The following LINGO2 variants were observed in gnomAD, a reference collection of about 807,000 sequenced individuals.
LINGO2 encodes leucine-rich repeat and immunoglobulin-like domain-containing nogo receptor-interacting protein 2.
A neutral mutation model predicts 30.6 loss-of-function variants in LINGO2; 14 were observed. That is an observed-to-expected ratio of 0.46 (90% CI 0.30 to 0.72). LINGO2 has a LOEUF of 0.72. Among genes scored for constraint, LINGO2 ranks in the 30% least tolerant of loss-of-function variants. The pLI is 0.07. For synonymous variants in LINGO2, 317 were observed against 288.5 expected, an observed-to-expected ratio of 1.10 and a Z score of -1.00; for missense variants, 729 against 751.7, an observed-to-expected ratio of 0.97 and a Z score of 0.35.
At chr9:28,668,064 A>AT (rs914524475) in intron 1 of LINGO2, among the ~76,000 whole-genome samples, 46 of 151,730 alleles carry the variant, frequency 3.0e-4, no homozygotes, top group South Asian at 6.2e-4. Context: ...AATATCATGG[A>AT]TTTTTTTTTA....
the LINGO2 span, among the ~76,000 whole-genome samples, chr9:28,800,696 G>A: frequency 6.6e-6 from 1 of 152,008 alleles, no homozygotes; most frequent in African/African-American, 2.4e-5. Flanking sequence ...GCAGACTGTA[G>A]CTCATCTCTT....
At chr9:28,468,707 A>C (rs952148727) in intron 2 of LINGO2, among the ~76,000 whole-genome samples, 3 of 152,202 alleles carry the variant, frequency 2.0e-5, no homozygotes, top group African/African-American at 2.4e-5. Context: ...ACAGTTCTAC[A>C]GTATTTATAA....
At chr9:28,806,553 T>C in the LINGO2 span, among the ~76,000 whole-genome samples, 2 of 152,182 alleles carry the variant, frequency 1.3e-5, no homozygotes, top group African/African-American at 2.4e-5. Flanking sequence ...TATAATAGAA[T>C]GAATGCTAAC....
chr9:28,807,609 G>C, the LINGO2 span, among the ~76,000 whole-genome samples: 1 of 152,138 alleles, frequency 6.6e-6, no homozygotes, highest in Admixed American at 6.5e-5. Context: ...TAAAATAGAA[G>C]TTTTAAGTAA....
the LINGO2 span, among the ~76,000 whole-genome samples, chr9:28,814,519 G>C: frequency 3.9e-5 from 6 of 152,104 alleles, no homozygotes; most frequent in Admixed American, 3.9e-4. Context: ...TACTGTCATA[G>C]CCCTTGGCAA....
At chr9:28,445,770 A>T (rs1351926953) in intron 2 of LINGO2, among the ~76,000 whole-genome samples, 2 of 152,154 alleles carry the variant, frequency 1.3e-5, no homozygotes, top group Non-Finnish European at 2.9e-5. Flanking sequence ...CTGCCTGGTG[A>T]CAATGTTACT....
At position 28,329,023 on chromosome 9, in the gene LINGO2, C is replaced by A. The variant is rs1376222983; in HGVS notation, c.-245-33657G>T. ...CCTTCACAGAGACTTCTCAGGTTCT[C>A]ACCCCATCCGTATACGAGCTAGGCC... On this transcript the variant is annotated intron_variant, in intron 3 of 5. Coordinates refer to ENST00000379992, the Ensembl canonical transcript of LINGO2. This position sits in a 1 kb window ranked among gnomAD's most constrained non-coding sequence, Gnocchi z 4.5. Among the ~76,000 whole-genome samples, 3 of 152,096 alleles carry A rather than the reference C, an allele frequency of 2.0e-5. No individual in the cohort carries two copies. Among genetic ancestry groups the A allele is most frequent in the Non-Finnish European group, 4.4e-5 (3 of 67,998 alleles).
At position 28,343,560 on chromosome 9, in the gene LINGO2, T is replaced by C. The variant is rs537683632; in HGVS notation, c.-246+29276A>G. Among the ~76,000 whole-genome samples, 16 of 152,306 alleles carry C rather than the reference T, an allele frequency of 1.1e-4. No homozygotes were observed. In the East Asian group the frequency reaches 2.7e-3, roughly 26 times the overall value. Reference sequence around the variant, plus strand: ...ATCGTGATAAAAGTACTCTTGGGACTGAGATGAAAATTTAAACTCAGCTTT... The same window carrying C: ...ATCGTGATAAAAGTACTCTTGGGACCGAGATGAAAATTTAAACTCAGCTTT... On this transcript the variant is annotated intron_variant, in intron 3 of 5. Coordinates refer to ENST00000379992, the Ensembl canonical transcript of LINGO2.
At chr9:28,291,094 T>C (rs1274993083) in intron 4 of LINGO2, among the ~76,000 whole-genome samples, 1 of 152,212 alleles carries the variant, frequency 6.6e-6, no homozygotes, top group Non-Finnish European at 1.5e-5. Flanking sequence ...CTTTATCAGC[T>C]GCCCTTCTTA....
chr9:28,588,366 C>T (rs994292761), intron 1 of LINGO2, among the ~76,000 whole-genome samples: 4 of 151,892 alleles, frequency 2.6e-5, no homozygotes, highest in African/African-American at 9.7e-5. Context: ...TTCCCAGGGG[C>T]ATCATTCACA....
At chr9:28,520,919 T>C (rs1820804610) in intron 1 of LINGO2, among the ~76,000 whole-genome samples, 1 of 152,174 alleles carries the variant, frequency 6.6e-6, no homozygotes, top group Non-Finnish European at 1.5e-5. Context: ...TGCCACACAA[T>C]AGTACCTGCA....
chr9:29,093,091 A>G, the LINGO2 span, among the ~76,000 whole-genome samples: 11 of 128,956 alleles, frequency 8.5e-5, 1 homozygote, highest in Non-Finnish European at 1.5e-4. Context: ...GGACAGAGAG[A>G]GAGAGAGAGA....
the LINGO2 span, among the ~76,000 whole-genome samples, chr9:29,053,593 T>C: frequency 5.3e-3 from 807 of 152,210 alleles, 11 homozygotes; most frequent in African/African-American, 0.018. Flanking sequence ...AGAAAAATAT[T>C]CTGAGTTTTC....
rs549937937 is a variant in LINGO2, at chr9:28,148,074, C to G, written c.-86-135669G>C. On this transcript the variant is annotated intron_variant, in intron 4 of 5. Transcript: ENST00000379992. The surrounding 1 kb of genome is among the most constrained non-coding windows in gnomAD (Gnocchi z 5.1). ...CAACCTGCTCGTCTTGTCCATGAGG[C>G]CTTCCCAGCTGGCCGGGCTAACCCC... 7 of 1,092,956 alleles carry G rather than the reference C, an allele frequency of 6.4e-6. No homozygotes were observed. The highest frequency in any genetic ancestry group is 2.3e-5 in the South Asian group (1 of 43,366). 67.7% of individuals were successfully genotyped at this position (1,092,956 alleles called of 1,614,324 possible).
the LINGO2 span, among the ~76,000 whole-genome samples, chr9:28,842,792 C>A: frequency 6.6e-6 from 1 of 151,802 alleles, no homozygotes; most frequent in Non-Finnish European, 1.5e-5. Flanking sequence ...AATAAGCATT[C>A]TTCTGCAATT....
chr9:28,222,712 G>A (rs962649718), intron 4 of LINGO2, among the ~76,000 whole-genome samples: 8 of 152,124 alleles, frequency 5.3e-5, no homozygotes, highest in Non-Finnish European at 8.8e-5. Context: ...AATAAAATGA[G>A]AGATGAATAA....
chr9:28,831,001 G>A, the LINGO2 span, among the ~76,000 whole-genome samples: 1 of 152,222 alleles, frequency 6.6e-6, no homozygotes, highest in Non-Finnish European at 1.5e-5. Flanking sequence ...CTACAATGGA[G>A]CTTTTATCAG....
chr9:28,217,343 T>A (rs1206577458), intron 4 of LINGO2, among the ~76,000 whole-genome samples: 1 of 151,742 alleles, frequency 6.6e-6, no homozygotes, highest in East Asian at 1.9e-4. Context: ...CCTATTGGGG[T>A]TAATACACTG....
chr9:28,806,043 A>G, the LINGO2 span, among the ~76,000 whole-genome samples: 1 of 152,044 alleles, frequency 6.6e-6, no homozygotes, highest in Non-Finnish European at 1.5e-5. Context: ...TCTTCTTCCA[A>G]TTCTTTTGGA....
Sources: allele counts gnomAD v4.1 joint callset (sites outside exome capture counted in the v4.1 genomes callset), GRCh38; gene constraint gnomAD v4.1.1; non-coding constraint Gnocchi (gnomAD v3.1); transcripts MANE v1.5; gene names NCBI Gene and HGNC (gene_info 2026-07-23, HGNC 2026-07-21).